FBXL17: variants seen among roughly 807,000 people sequenced by gnomAD.
FBXL17 encodes F-box/LRR-repeat protein 17.
FBXL17 carries 22 observed loss-of-function variants against 66.2 expected under a neutral mutation model. The ratio of observed to expected loss-of-function variants is 0.33; its 90% CI spans 0.24 to 0.47. FBXL17 has a LOEUF of 0.47. FBXL17 is among the 20% of genes least tolerant of loss of function. The pLI, the probability that FBXL17 is intolerant of heterozygous loss-of-function variation, is 1.00. For missense variants in FBXL17, 878 were observed against 948.2 expected, an observed-to-expected ratio of 0.93 and a Z score of 0.97; for synonymous variants, 474 against 400.5, an observed-to-expected ratio of 1.18 and a Z score of -2.19.
chr5:107,934,679 C>A (rs1750841321), intron 7 of FBXL17, among the ~76,000 whole-genome samples: 2 of 151,976 alleles, frequency 1.3e-5, no homozygotes, highest in South Asian at 4.2e-4. Flanking sequence ...TCCTTAAGTC[C>A]TTATTGGGGG....
chr5:108,329,971 C>T (rs372108189), intron 4 of FBXL17, among the ~76,000 whole-genome samples: 3 of 151,904 alleles, frequency 2.0e-5, no homozygotes, highest in African/African-American at 7.3e-5. Context: ...ATCAGTAGAC[C>T]AGCATGGCCT....
Position 108,381,474 on chromosome 5 carries a change from G to C in FBXL17, c.218C>G (p.Pro73Arg), listed in dbSNP as rs1749922748. ...CGGCGGCTCCTCCTCTGGGCCGGCG[G>C]GGGCGGGCGCGCCGGGACTGTGCAC... is the stretch of plus-strand genomic sequence containing the variant. ...FIVHSPGAPA[P>R]AGPEEEPPLS... Residue 73 changes from proline to arginine, a missense_variant, in exon 1 of 9, where the codon CCC becomes CGC. Transcript: ENST00000542267. The C allele has an allele frequency of 5.3e-6, 7 of 1,322,688 alleles. No individual in the cohort carries two copies. In the South Asian group the frequency reaches 1.5e-4, roughly 28 times the overall value. 81.9% of individuals were successfully genotyped at this position (1,322,688 alleles called of 1,614,324 possible).
At chr5:108,176,116 C>G (rs1752785719) in intron 6 of FBXL17, among the ~76,000 whole-genome samples, 1 of 152,098 alleles carries the variant, frequency 6.6e-6, no homozygotes. Flanking sequence ...TCATTTTCAT[C>G]AATAAATGAA....
At chr5:108,379,665 G>A (rs141439488) in intron 1 of FBXL17, among the ~76,000 whole-genome samples, 176 of 152,288 alleles carry the variant, frequency 1.2e-3, no homozygotes, top group African/African-American at 3.7e-3. Flanking sequence ...CTAGTCTCTA[G>A]TATCATCCAC....
chr5:108,094,013 A>T (rs956422625), intron 6 of FBXL17, among the ~76,000 whole-genome samples: 7 of 152,276 alleles, frequency 4.6e-5, no homozygotes, highest in African/African-American at 1.4e-4. Flanking sequence ...GATGTTCTAA[A>T]ATAATAGCAT....
intron 8 of FBXL17, among the ~76,000 whole-genome samples, chr5:107,868,237 A>G (rs1297559923): frequency 2.0e-5 from 3 of 152,336 alleles, no homozygotes; most frequent in Admixed American, 1.3e-4. Context: ...TGTGGTGTGG[A>G]AAGTGTCAGA....
chr5:107,963,777 T>C (rs563095693), intron 7 of FBXL17, among the ~76,000 whole-genome samples: 3 of 152,228 alleles, frequency 2.0e-5, no homozygotes, highest in South Asian at 4.2e-4. Context: ...GAAAATCATG[T>C]TGCTTCTCTG....
intron 6 of FBXL17, among the ~76,000 whole-genome samples, chr5:108,048,778 AACAG>A (rs1747358316): frequency 6.6e-6 from 1 of 152,206 alleles, no homozygotes; most frequent in African/African-American, 2.4e-5. Context: ...AAAAGGACCG[AACAG>A]AGCCTCTGAG....
In FBXL17 at chr5:108,191,224, G is replaced by C. The variant is rs191151068; in HGVS notation, c.1615-4977C>G. Among the ~76,000 whole-genome samples, 550 of 152,244 alleles carry C rather than the reference G, an allele frequency of 3.6e-3. 4 individuals are homozygous for C. Among genetic ancestry groups the C allele is most frequent in the Non-Finnish European group, 3.8e-3 (258 of 68,020 alleles). ...TTCGAAGTCACAAAAATTTTATCCA[G>C]CTACATAAATATCTCCTACACATGC... On this transcript the variant is annotated intron_variant, in intron 5 of 8. Transcript: ENST00000542267.
At chr5:108,328,507 A>G (rs1394487732) in intron 4 of FBXL17, among the ~76,000 whole-genome samples, 1 of 152,084 alleles carries the variant, frequency 6.6e-6, no homozygotes, top group East Asian at 1.9e-4. Context: ...GAAAAAATGA[A>G]AAGAGCCATA....
rs113385537 is a variant in FBXL17 at position 108,174,115 on chromosome 5, T to C, written c.1745+12002A>G. On this transcript the variant is annotated intron_variant, in intron 6 of 8. Transcript: ENST00000542267. The stretch of plus-strand genomic sequence containing the variant: ...TCTCACCACATTCAGCAAGCTATCA[T>C]AGCATGAATTGCTGAAATTAGATAA... Among the ~76,000 whole-genome samples the C allele has an allele frequency of 3.2e-3, 486 of 152,294 alleles. 4 individuals carry two copies. The highest frequency in any genetic ancestry group is 0.014 in the Middle Eastern group (4 of 294).
intron 6 of FBXL17, among the ~76,000 whole-genome samples, chr5:108,126,631 G>GTCTCTCAC (rs1750708274): frequency 8.9e-6 from 1 of 112,576 alleles, no homozygotes; most frequent in African/African-American, 3.0e-5. Flanking sequence ...CTGTCTCTCT[G>GTCTCTCAC]TCTCTCTCTC....
intron 7 of FBXL17, among the ~76,000 whole-genome samples, chr5:107,892,962 A>G (rs6880495): frequency 0.086 from 13,134 of 152,216 alleles, 1,008 homozygotes; most frequent in African/African-American, 0.2. Flanking sequence ...TGTTTTCGAT[A>G]TTCTCTATTA....
chr5:108,063,123 T>C (rs937048276), intron 6 of FBXL17, among the ~76,000 whole-genome samples: 1 of 152,210 alleles, frequency 6.6e-6, no homozygotes, highest in African/African-American at 2.4e-5. Context: ...GTGTTTTTCT[T>C]TTTTAAGTTC....
chr5:107,861,773 C>T lies in FBXL17; in HGVS notation c.2053G>A (p.Glu685Lys), dbSNP rs779099021. Residue 685 changes from glutamate (E) to lysine (K), a missense_variant, in exon 9 of 9, where the codon GAG (glutamate) becomes AAG (lysine). Transcript: ENST00000542267. ...TVLQDCKRTL[E>K]RAYQMGWTPN... ...GTCCAGCCCATCTGATAGGCTCTCTCCAAGGTCCTCTTGCAGTCCTGCAGG... is the reference window on the plus strand; with the variant it reads ...GTCCAGCCCATCTGATAGGCTCTCTTCAAGGTCCTCTTGCAGTCCTGCAGG... 1 of 1,588,314 alleles carries T rather than the reference C, an allele frequency of 6.3e-7. No homozygotes were observed. Among genetic ancestry groups the T allele is most frequent in the African/African-American group, 1.4e-5 (1 of 73,986 alleles).
intron 6 of FBXL17, among the ~76,000 whole-genome samples, chr5:108,031,359 T>A (rs1380860004): frequency 1.3e-5 from 2 of 152,016 alleles, no homozygotes; most frequent in Non-Finnish European, 2.9e-5. Context: ...AGAAAAATAA[T>A]AAAATCTGGG....
chr5:107,902,554 C>A (rs1246670235), intron 7 of FBXL17, among the ~76,000 whole-genome samples: 2 of 152,042 alleles, frequency 1.3e-5, no homozygotes, highest in Admixed American at 6.6e-5. Flanking sequence ...GTTAACACTG[C>A]AAGATTTCAA....
intron 4 of FBXL17, among the ~76,000 whole-genome samples, chr5:108,282,955 A>C: frequency 6.6e-6 from 1 of 151,454 alleles, no homozygotes; most frequent in Non-Finnish European, 1.5e-5. Context: ...GGAAGTGAAA[A>C]ATCTCTGCAA....
At chr5:108,047,512 C>T (rs555658432) in intron 6 of FBXL17, among the ~76,000 whole-genome samples, 27 of 152,294 alleles carry the variant, frequency 1.8e-4, no homozygotes, top group African/African-American at 5.8e-4. Context: ...GCAGCCAGCA[C>T]TAGCACTCAT....
Sources: allele counts gnomAD v4.1 joint callset (sites outside exome capture counted in the v4.1 genomes callset), GRCh38; gene constraint gnomAD v4.1.1; transcripts MANE v1.5; gene names NCBI Gene and HGNC (gene_info 2026-07-23, HGNC 2026-07-21).